Variants in NUSAP1 observed in about 807,000 individuals in gnomAD.
The protein encoded by NUSAP1 is nucleolar and spindle associated protein 1, also known as nucleolar and spindle-associated protein 1.
NUSAP1 carries 32 observed loss-of-function variants against 52.8 expected under a neutral mutation model. That is an observed-to-expected ratio of 0.61 (90% CI 0.46 to 0.81). The LOEUF (loss-of-function observed/expected upper bound fraction) is 0.81. Among genes scored for constraint, NUSAP1 ranks in the 40% least tolerant of loss-of-function variants. NUSAP1 has a pLI of 0.00. For missense variants in NUSAP1, 499 were observed against 522.3 expected (o/e 0.96, Z 0.43); for synonymous variants, 195 against 183.1 (o/e 1.06, Z -0.52).
chr15:41,344,931 A>G (rs1380893801), intron 2 of NUSAP1, among the ~76,000 whole-genome samples: 1 of 151,560 alleles, frequency 6.6e-6, no homozygotes, highest in African/African-American at 2.4e-5. Flanking sequence ...ACAGAATGAG[A>G]CTCCGTCTCC....
intron 4 of NUSAP1, among the ~76,000 whole-genome samples, chr15:41,351,511 C>A (rs1187984525): frequency 6.6e-6 from 1 of 152,184 alleles, no homozygotes; most frequent in Admixed American, 6.5e-5. Context: ...ATAGGCCAAG[C>A]ATAGTGGCTG....
intron 10 of NUSAP1, among the ~76,000 whole-genome samples, chr15:41,378,493 G>A (rs1284036917): frequency 2.6e-5 from 4 of 152,132 alleles, no homozygotes; most frequent in Admixed American, 1.3e-4. Flanking sequence ...TTTGCTCACC[G>A]TTATTAAGTT....
At position 41,377,423 on chromosome 15, in the gene NUSAP1, T is replaced by G. The variant is rs142693677; in HGVS notation, c.1232+119T>G. The G allele has an allele frequency of 2.3e-3, 1,219 of 535,044 alleles. 10 individuals carry two copies. The highest frequency in any genetic ancestry group is 0.015 in the African/African-American group (759 of 49,686). 33.1% of individuals were successfully genotyped at this position (535,044 alleles called of 1,614,324 possible). ...GAGGTTAGAAGTGGTATTATGGCCG[T>G]GTGCGGTGGCTCACGCCTGTAATCC... On this transcript the variant is annotated intron_variant, in intron 10 of 10. Coordinates refer to ENST00000559596, the MANE Select transcript of NUSAP1 (RefSeq NM_016359.5).
chr15:41,342,078 A>T (rs1330496070), intron 1 of NUSAP1, among the ~76,000 whole-genome samples: 1 of 152,200 alleles, frequency 6.6e-6, no homozygotes, highest in Non-Finnish European at 1.5e-5. Context: ...TGCCCTGTGC[A>T]GATACTTGCT....
At chr15:41,342,314 C>T (rs951493119) in intron 1 of NUSAP1, 72 bp from the exon 2 acceptor site, 3 of 1,042,444 alleles carry the variant, frequency 2.9e-6, no homozygotes, top group South Asian at 1.4e-5. Flanking sequence ...AATACAAGAA[C>T]AGCAAAAAAT....
chr15:41,333,200 G>C lies in NUSAP1; in HGVS notation c.93+150G>C. ...GTAGATGTGGTTCACGGTAGTCCCA[G>C]TTAGAACTCTGATAAACGGAAGAGG... On this transcript the variant is annotated intron_variant, in intron 1 of 10. Transcript: ENST00000559596. The C allele has an allele frequency of 4.7e-6, 3 of 634,796 alleles. No homozygotes were observed. The South Asian group carries it at 5.6e-5, about 12-fold the overall frequency. 39.3% of individuals were successfully genotyped at this position (634,796 alleles called of 1,614,324 possible).
rs1007601477 is a variant in NUSAP1, at chr15:41,374,825, TC to T, written c.1007-886del. Among the ~76,000 whole-genome samples, 8 of 151,622 alleles carry T rather than the reference TC, an allele frequency of 5.3e-5. No individual in the cohort carries two copies. The South Asian group carries it at 1.0e-3, about 20-fold the overall frequency. On this transcript the variant is annotated intron_variant, in intron 8 of 10. Coordinates refer to ENST00000559596, the MANE Select transcript of NUSAP1 (RefSeq NM_016359.5). ...CAGTCGTGAGCCACTGCACCCAGCT[TC>T]TTTTTTTTCTTTGTTTGTTTCTTTT...
intron 4 of NUSAP1, among the ~76,000 whole-genome samples, chr15:41,355,273 A>G (rs1595561615): frequency 6.6e-6 from 1 of 151,762 alleles, no homozygotes; most frequent in East Asian, 2.0e-4. Context: ...CCTGGGTTCA[A>G]GCGATTCTCC....
At chr15:41,379,061 C>T (rs1386285891) in intron 10 of NUSAP1, among the ~76,000 whole-genome samples, 2 of 137,472 alleles carry the variant, frequency 1.5e-5, no homozygotes, top group Admixed American at 8.4e-5. Context: ...TCAAGTGATA[C>T]TGCTGCCTCA....
chr15:41,373,219 C>A (rs1256935221), intron 8 of NUSAP1, among the ~76,000 whole-genome samples: 1 of 151,890 alleles, frequency 6.6e-6, no homozygotes, highest in African/African-American at 2.4e-5. Flanking sequence ...CATGGCAAAA[C>A]CTCGTCTCTA....
chr15:41,378,686 C>A (rs188333617), intron 10 of NUSAP1, among the ~76,000 whole-genome samples: 20 of 152,166 alleles, frequency 1.3e-4, no homozygotes, highest in Non-Finnish European at 2.4e-4. Context: ...AGCAGAATCA[C>A]TTGAACCCGG....
chr15:41,369,956 T>G (rs983834244), intron 7 of NUSAP1, among the ~76,000 whole-genome samples: 11 of 151,442 alleles, frequency 7.3e-5, no homozygotes, highest in African/African-American at 2.4e-4. Context: ...TAATTCCAGC[T>G]ACTTGGGAGG....
In NUSAP1 at chr15:41,358,321, A is replaced by G. The variant is rs1235167815; in HGVS notation, c.660+63A>G. 17 of 764,726 alleles carry G rather than the reference A, an allele frequency of 2.2e-5. 1 individual carries two copies. Among genetic ancestry groups the G allele is most frequent in the South Asian group, 1.1e-4 (7 of 61,576 alleles). 47.4% of individuals were successfully genotyped at this position (764,726 alleles called of 1,614,324 possible). A position where few individuals can be genotyped will look rare whatever the true frequency, so the allele number is the denominator to read the frequency against. ...TGTTTGATTATAATTTTGAAACTATATAACACCGTGGTTACAACAACTGGC... is the reference window on the plus strand; with the variant it reads ...TGTTTGATTATAATTTTGAAACTATGTAACACCGTGGTTACAACAACTGGC... On this transcript the variant is annotated intron_variant, in intron 6 of 10. Transcript: ENST00000559596.
intron 9 of NUSAP1, among the ~76,000 whole-genome samples, chr15:41,376,272 G>A (rs555506139): frequency 2.4e-4 from 37 of 151,494 alleles, no homozygotes; most frequent in East Asian, 7.8e-4. Context: ...TGGTGGCGGC[G>A]CCTGTAATCC....
chr15:41,346,036 CT>C (rs796521976), intron 2 of NUSAP1, among the ~76,000 whole-genome samples: 55 of 146,106 alleles, frequency 3.8e-4, no homozygotes, highest in Non-Finnish European at 3.5e-4. Context: ...GCCTTTTATT[CT>C]TTTTTTTTTT....
chr15:41,370,830 G>A (rs2049650815), intron 7 of NUSAP1, among the ~76,000 whole-genome samples: 1 of 151,898 alleles, frequency 6.6e-6, no homozygotes, highest in Non-Finnish European at 1.5e-5. Context: ...GCTGAGGCAG[G>A]AGGATGGCTT....
chr15:41,380,469 G>A lies in NUSAP1; in HGVS notation c.*283G>A, dbSNP rs1349128079. On this transcript the variant is annotated 3_prime_UTR_variant, in exon 11 of 11. Coordinates refer to ENST00000559596, the MANE Select transcript of NUSAP1 (RefSeq NM_016359.5). ...TCTGTTTCTAGATTTTTAATGTCAA[G>A]TTCCCAAGTTCCCCCTGCTGGTTCT... 3.0e-5 allele frequency: 7 copies of A among 233,166 alleles called. No homozygotes were observed. The highest frequency in any genetic ancestry group is 5.9e-5 in the Non-Finnish European group (7 of 118,500). The allele number at this position is 233,166 out of a possible 1,614,324, so 14.4% of individuals were successfully genotyped here. A position where few individuals can be genotyped will look rare whatever the true frequency, so the allele number is the denominator to read the frequency against.
intron 2 of NUSAP1, among the ~76,000 whole-genome samples, chr15:41,348,733 G>T (rs763120820): frequency 9.2e-5 from 14 of 152,098 alleles, no homozygotes; most frequent in Non-Finnish European, 2.1e-4. Flanking sequence ...TCCCCTTGCC[G>T]GGTCAAGTGA....
intron 1 of NUSAP1, among the ~76,000 whole-genome samples, chr15:41,336,625 G>A (rs748538335): frequency 7.2e-6 from 1 of 138,840 alleles, no homozygotes; most frequent in East Asian, 2.0e-4. Flanking sequence ...CCTTAATATG[G>A]GCATTTGATC....
Sources: gnomAD v4.1 joint callset for allele counts (sites outside exome capture counted in the v4.1 genomes callset) on GRCh38, gnomAD v4.1.1 for gene constraint, MANE v1.5 for transcripts, NCBI Gene and HGNC (gene_info 2026-07-23, HGNC 2026-07-21) for gene names.